Variants in RRAS2 observed in about 807,000 individuals in gnomAD.
The protein encoded by RRAS2 is RAS related 2, also known as ras-related protein R-Ras2.
In RRAS2, 7 loss-of-function variants were observed where a neutral mutation model predicts 27.6. That is an observed-to-expected ratio of 0.25 (90% CI 0.14 to 0.48). The LOEUF is 0.48. RRAS2 is among the 20% of genes least tolerant of loss of function. The probability of loss-of-function intolerance (pLI) is 0.99; values close to 1 mark genes in which losing one functional copy is unlikely to be tolerated. For synonymous variants in RRAS2, 86 were observed against 90.9 expected (o/e 0.95, Z 0.31); for missense variants, 178 against 256.2 (o/e 0.69, Z 2.08).
chr11:14,323,738 A>C (rs1848281534), intron 1 of RRAS2, among the ~76,000 whole-genome samples: 1 of 152,182 alleles, frequency 6.6e-6, no homozygotes. Context: ...AAAAAATGAA[A>C]ATTACAGGCC....
chr11:14,344,566 A>G (rs1273289391), intron 1 of RRAS2, among the ~76,000 whole-genome samples: 4 of 152,240 alleles, frequency 2.6e-5, no homozygotes, highest in African/African-American at 9.6e-5. Context: ...GTTTGACTTG[A>G]CTACCTGCTT....
At position 14,358,291 on chromosome 11, in the gene RRAS2, G is replaced by C. The variant is rs1161635965; in HGVS notation, c.108+472C>G. 1 of 985,382 alleles carries C rather than the reference G, an allele frequency of 1.0e-6. No homozygotes were observed. The highest frequency in any genetic ancestry group is 1.2e-6 in the Non-Finnish European group (1 of 829,984). 61.0% of individuals were successfully genotyped at this position (985,382 alleles called of 1,614,324 possible). On this transcript the variant is annotated intron_variant, in intron 1 of 5. Transcript: ENST00000256196. This position sits in a 1 kb window ranked among gnomAD's most constrained non-coding sequence, Gnocchi z 5.1. The stretch of plus-strand genomic sequence containing the variant: ...GCAGCTCCGGCTCAGGCGGCGCGGG[G>C]AAGCCCGGAGACCACGCGGAGCCGC...
intron 4 of RRAS2, 114 bp from the exon 5 acceptor site, chr11:14,281,834 A>G (rs1849546163): frequency 1.2e-5 from 10 of 849,902 alleles, no homozygotes; most frequent in Non-Finnish European, 3.7e-6. Flanking sequence ...TTGTTTTATC[A>G]TAAGGTGAAA....
At position 14,307,236 on chromosome 11, in the gene RRAS2, C is replaced by A. The variant is rs531272501; in HGVS notation, c.109-11381G>T. Among the ~76,000 whole-genome samples the A allele has an allele frequency of 8.0e-3, 1,182 of 147,302 alleles. 4 individuals carry two copies. The highest frequency in any genetic ancestry group is 0.012 in the South Asian group (57 of 4,600). The stretch of plus-strand genomic sequence containing the variant: ...AAAAAAAAACAAAAAACAACAACAA[C>A]AAAAAAAAAGCAGAAAAAGGAAGAG... On this transcript the variant is annotated intron_variant, in intron 1 of 5. Transcript: ENST00000256196.
intron 1 of RRAS2, among the ~76,000 whole-genome samples, chr11:14,336,309 C>T (rs1329842847): frequency 6.6e-6 from 1 of 151,948 alleles, no homozygotes; most frequent in East Asian, 1.9e-4. Context: ...AATACAGAGC[C>T]ACACAACAAA....
intron 1 of RRAS2, among the ~76,000 whole-genome samples, chr11:14,346,405 T>C (rs1345050257): frequency 5.3e-5 from 8 of 152,216 alleles, no homozygotes; most frequent in Non-Finnish European, 1.5e-5. Context: ...CTGATAAATG[T>C]GTCCATTTCC....
At chr11:14,303,718 G>T (rs566596327) in intron 1 of RRAS2, among the ~76,000 whole-genome samples, 16 of 152,228 alleles carry the variant, frequency 1.1e-4, no homozygotes, top group African/African-American at 3.4e-4. Flanking sequence ...AGTTGGGCTG[G>T]GGGATGTGAG....
intron 5 of RRAS2, 91 bp from the exon 6 acceptor site, chr11:14,279,515 G>T: frequency 1.0e-6 from 1 of 954,070 alleles, no homozygotes; most frequent in Non-Finnish European, 1.7e-6. Context: ...TCACTTTTAA[G>T]TGTGTATGCT....
rs782413007 is a variant in RRAS2 at position 14,358,743 on chromosome 11, G to A, written c.108+20C>T. 2.2e-6 allele frequency: 3 copies of A among 1,362,180 alleles called. No individual in the cohort carries two copies. Among genetic ancestry groups the A allele is most frequent in the African/African-American group, 1.5e-5 (1 of 66,748 alleles). 84.4% of individuals were successfully genotyped at this position (1,362,180 alleles called of 1,614,324 possible). A position where few individuals can be genotyped will look rare whatever the true frequency, so the allele number is the denominator to read the frequency against. ...CGCCCGCCGCCGCTCCGGCGCCCCG[G>A]GCAGGCCCGCTCCAGGTACCTGGAT... On this transcript the variant is annotated intron_variant, in intron 1 of 5. Transcript: ENST00000256196. The surrounding 1 kb of genome is among the most constrained non-coding windows in gnomAD (Gnocchi z 5.1).
intron 1 of RRAS2, among the ~76,000 whole-genome samples, chr11:14,354,666 C>G (rs1226150233): frequency 2.3e-5 from 3 of 130,386 alleles, no homozygotes; most frequent in South Asian, 5.0e-4. Context: ...AACCAAGTAA[C>G]AATTTCTTTT....
chr11:14,285,404 TAAC>T (rs1180547249), intron 4 of RRAS2, among the ~76,000 whole-genome samples: 4 of 152,190 alleles, frequency 2.6e-5, no homozygotes, highest in Admixed American at 1.3e-4. Flanking sequence ...ACAAACTAGT[TAAC>T]AACAATATTT....
intron 1 of RRAS2, among the ~76,000 whole-genome samples, chr11:14,319,076 T>C (rs1848171090): frequency 6.6e-6 from 1 of 152,216 alleles, no homozygotes; most frequent in South Asian, 2.1e-4. Context: ...CAGAAATTGA[T>C]TCCCAGCAGT....
upstream of RRAS2, chr11:14,359,256 G>A (rs943244402): frequency 9.1e-6 from 7 of 767,962 alleles, no homozygotes; most frequent in African/African-American, 1.1e-4. Flanking sequence ...GCGCCGCTTG[G>A]GGCTGAGGTT....
At chr11:14,291,867 G>C (rs183944533) in intron 4 of RRAS2, among the ~76,000 whole-genome samples, 5 of 152,194 alleles carry the variant, frequency 3.3e-5, no homozygotes, top group Admixed American at 6.5e-5. Context: ...TGGGATTTTG[G>C]AATTTTTTTG....
rs1390272339 is a variant in RRAS2 at position 14,359,016 on chromosome 11, G to C, written c.-146C>G. 2.6e-6 allele frequency: 3 copies of C among 1,134,412 alleles called. No individual in the cohort carries two copies. Among genetic ancestry groups the C allele is most frequent in the Admixed American group, 4.9e-5 (1 of 20,344 alleles). 70.3% of individuals were successfully genotyped at this position (1,134,412 alleles called of 1,614,324 possible). The stretch of plus-strand genomic sequence containing the variant: ...GTACCGGGAGGCGTCTGGAGGGCCG[G>C]TCAGCGCGGTAGCGCGGCGCTGGGG... On this transcript the variant is annotated 5_prime_UTR_variant, in exon 1 of 6. Coordinates refer to ENST00000256196, the MANE Select transcript of RRAS2 (RefSeq NM_012250.6).
At chr11:14,346,669 T>C (rs1238528619) in intron 1 of RRAS2, among the ~76,000 whole-genome samples, 1 of 152,232 alleles carries the variant, frequency 6.6e-6, no homozygotes. Context: ...CTGTAAAGCA[T>C]AGTAACTATA....
rs74588518 is a variant in RRAS2, at chr11:14,334,959, G to C, written c.108+23804C>G. ...TTTCTCCTCCATCAACATTTTTCTT[G>C]ACTGCCCATCCAGCGGTCTGGCTTC... is the stretch of plus-strand genomic sequence containing the variant. On this transcript the variant is annotated intron_variant, in intron 1 of 5. Coordinates refer to ENST00000256196, the MANE Select transcript of RRAS2 (RefSeq NM_012250.6). 6.3e-3 allele frequency among the ~76,000 whole-genome samples: 959 copies of C among 152,018 alleles called. 15 individuals are homozygous for C. The highest frequency in any genetic ancestry group is 0.022 in the African/African-American group (916 of 41,440).
At chr11:14,289,894 A>C (rs998073954) in intron 4 of RRAS2, among the ~76,000 whole-genome samples, 1 of 152,196 alleles carries the variant, frequency 6.6e-6, no homozygotes, top group Admixed American at 6.5e-5. Flanking sequence ...TTTATTATCT[A>C]CAAGAAAATA....
intron 1 of RRAS2, among the ~76,000 whole-genome samples, chr11:14,302,109 C>CA (rs1554947510): frequency 7.2e-6 from 1 of 138,908 alleles, no homozygotes; most frequent in African/African-American, 2.6e-5. Flanking sequence ...CACACACACA[C>CA]ACCAAAAACC....
Sources: gnomAD v4.1 joint callset for allele counts (sites outside exome capture counted in the v4.1 genomes callset) on GRCh38, gnomAD v4.1.1 for gene constraint, Gnocchi (gnomAD v3.1) non-coding constraint, MANE v1.5 for transcripts, NCBI Gene and HGNC (gene_info 2026-07-23, HGNC 2026-07-21) for gene names.